Variants in C16orf74 observed in about 807,000 individuals in gnomAD.
C16orf74 encodes calcimembrin.
Under a neutral mutation model 6.5 loss-of-function variants are expected in C16orf74, and 10 were observed. The ratio of observed to expected loss-of-function variants is 1.54; its 90% confidence interval spans 0.95 to 2.61. The LOEUF is 2.61. Among genes scored for constraint, C16orf74 ranks in the 30% most tolerant of loss-of-function variants. The pLI, the probability that C16orf74 is intolerant of heterozygous loss-of-function variation, is 0.00. For synonymous variants in C16orf74, 60 were observed against 42.5 expected (o/e 1.41, Z -1.60); for missense variants, 141 against 105.9 (o/e 1.33, Z -1.45).
chr16:85,748,943 T>TTTA (rs1555589866), intron 1 of C16orf74, among the ~76,000 whole-genome samples: 31 of 144,408 alleles, frequency 2.1e-4, no homozygotes, highest in African/African-American at 7.1e-4. Flanking sequence ...TTTTTTTTTT[T>TTTA]TTTTATTTTA....
At chr16:85,733,907 A>G (rs2054217251) in intron 2 of C16orf74, among the ~76,000 whole-genome samples, 3 of 152,170 alleles carry the variant, frequency 2.0e-5, no homozygotes, top group Admixed American at 1.3e-4. Context: ...GTCAATCAAG[A>G]TGCACCTCCC....
chr16:85,712,256 A>T (rs1598779888), intron 2 of C16orf74, among the ~76,000 whole-genome samples: 1 of 152,138 alleles, frequency 6.6e-6, no homozygotes, highest in Non-Finnish European at 1.5e-5. Context: ...ATCATGATCG[A>T]CCCTGAGCCA....
chr16:85,747,691 A>G (rs1013829707), intron 1 of C16orf74, among the ~76,000 whole-genome samples: 21 of 152,246 alleles, frequency 1.4e-4, no homozygotes, highest in African/African-American at 4.8e-4. Flanking sequence ...TGAGTGACCA[A>G]TGGCCTCAGG....
intron 1 of C16orf74, among the ~76,000 whole-genome samples, chr16:85,744,995 G>C (rs948908537): frequency 6.6e-6 from 1 of 151,474 alleles, no homozygotes; most frequent in Admixed American, 6.6e-5. Context: ...TACAAAATTA[G>C]CCAGGCATTG....
chr16:85,738,617 C>G (rs978444833), intron 1 of C16orf74, among the ~76,000 whole-genome samples: 1 of 151,962 alleles, frequency 6.6e-6, no homozygotes, highest in African/African-American at 2.4e-5. Flanking sequence ...AGGTGTGAGC[C>G]ACCGCGCCGG....
chr16:85,710,294 A>C lies in C16orf74; in HGVS notation c.42T>G (p.Cys14Trp). The C allele has an allele frequency of 1.3e-6, 2 of 1,511,436 alleles. No homozygotes were observed. The highest frequency in any genetic ancestry group is 1.8e-6 in the Non-Finnish European group (2 of 1,140,520). 93.6% of individuals were successfully genotyped at this position (1,511,436 alleles called of 1,614,324 possible). A position where few individuals can be genotyped will look rare whatever the true frequency, so the allele number is the denominator to read the frequency against. The change falls in exon 3 of 4, where the codon TGT (cysteine) becomes TGG (tryptophan). Residue 14 changes from cysteine to tryptophan, a missense_variant. Cys to Trp is a radical substitution (Grantham distance 215, BLOSUM62 -2). Transcript: ENST00000284245. ...CGTGGCTGCTGCTGCTGCTGCTGAC[A>C]CACATTTGAAAGCCTGAGAAGCCAG... ...KMSCLKGFQM[C>W]VSSSSSSHDE... is the part of the protein sequence containing the mutation.
At chr16:85,733,797 G>A (rs1263658290) in intron 2 of C16orf74, among the ~76,000 whole-genome samples, 1 of 152,112 alleles carries the variant, frequency 6.6e-6, no homozygotes, top group Non-Finnish European at 1.5e-5. Flanking sequence ...GAGAGGACGT[G>A]GGCTGTTTGT....
chr16:85,721,752 G>A (rs1046030287), intron 2 of C16orf74, among the ~76,000 whole-genome samples: 2 of 152,204 alleles, frequency 1.3e-5, no homozygotes, highest in African/African-American at 4.8e-5. Context: ...CTCCTGGCAT[G>A]GAGCTGCTGG....
At chr16:85,715,579 C>T (rs901726591) in intron 2 of C16orf74, among the ~76,000 whole-genome samples, 1 of 152,036 alleles carries the variant, frequency 6.6e-6, no homozygotes, top group Non-Finnish European at 1.5e-5. Flanking sequence ...GTGGGCCACA[C>T]AAACTACACA....
intron 1 of C16orf74, among the ~76,000 whole-genome samples, chr16:85,743,028 C>A (rs1264943983): frequency 1.3e-5 from 2 of 152,172 alleles, no homozygotes; most frequent in African/African-American, 2.4e-5. Context: ...CACCAGGGCA[C>A]CCCCACTACG....
chr16:85,746,071 G>A (rs1169315629), intron 1 of C16orf74, among the ~76,000 whole-genome samples: 3 of 152,174 alleles, frequency 2.0e-5, no homozygotes, highest in Non-Finnish European at 2.9e-5. Context: ...CTGGGGCTGG[G>A]TGCGGTGGCT....
chr16:85,729,883 A>G (rs984413038), intron 2 of C16orf74, among the ~76,000 whole-genome samples: 12 of 152,300 alleles, frequency 7.9e-5, no homozygotes, highest in African/African-American at 2.9e-4. Flanking sequence ...GGCCGATTTC[A>G]GAACAATGAG....
chr16:85,710,259 G>A lies in C16orf74; in HGVS notation c.77C>T (p.Pro26Leu), dbSNP rs372383869. 8.3e-5 allele frequency: 126 copies of A among 1,514,330 alleles called. No homozygotes were observed. In the African/African-American group the frequency reaches 1.8e-3, roughly 21 times the overall value. 93.8% of individuals were successfully genotyped at this position (1,514,330 alleles called of 1,614,324 possible). Residue 26 changes from proline (P) to leucine (L), a missense_variant, in exon 3 of 4, where the codon CCC becomes CTC. Coordinates refer to ENST00000284245, the MANE Select transcript of C16orf74 (RefSeq NM_206967.3). ...SSSSSSHDEA[P>L]VLNDKHLDVP... ...GTCCAGGTGCTTGTCGTTCAGGACGGGGGCCTCGTCGTGGCTGCTGCTGCT... is the reference window on the plus strand; with the variant it reads ...GTCCAGGTGCTTGTCGTTCAGGACGAGGGCCTCGTCGTGGCTGCTGCTGCT...
In C16orf74 at chr16:85,707,908, C is replaced by T. The variant is rs2053928843; in HGVS notation, c.*100G>A. The T allele has an allele frequency of 9.7e-7, 1 of 1,025,684 alleles. No homozygotes were observed. The highest frequency in any genetic ancestry group is 1.5e-6 in the Non-Finnish European group (1 of 685,914). 63.5% of individuals were successfully genotyped at this position (1,025,684 alleles called of 1,614,324 possible). A position where few individuals can be genotyped will look rare whatever the true frequency, so the allele number is the denominator to read the frequency against. On this transcript the variant is annotated 3_prime_UTR_variant, in exon 4 of 4. Coordinates refer to ENST00000284245, the MANE Select transcript of C16orf74 (RefSeq NM_206967.3). ...AGGCCCGGGTTCGCTCAGTTCCCAT[C>T]CAGGGTATTCAGCACACCTGCTCCA...
intron 2 of C16orf74, among the ~76,000 whole-genome samples, chr16:85,717,525 T>G (rs1345498395): frequency 6.6e-6 from 1 of 152,038 alleles, no homozygotes; most frequent in Non-Finnish European, 1.5e-5. Flanking sequence ...GTGTGGGGTG[T>G]GGGGCTGCCA....
chr16:85,748,335 C>G (rs1454492022), intron 1 of C16orf74, among the ~76,000 whole-genome samples: 1 of 152,012 alleles, frequency 6.6e-6, no homozygotes, highest in Non-Finnish European at 1.5e-5. Flanking sequence ...TGCAGTGGCT[C>G]ACGCCTGTAA....
chr16:85,730,975 A>G (rs1451871623), intron 2 of C16orf74, among the ~76,000 whole-genome samples: 1 of 152,240 alleles, frequency 6.6e-6, no homozygotes, highest in Non-Finnish European at 1.5e-5. Flanking sequence ...TGAATTAAAT[A>G]AAACATATTA....
chr16:85,717,402 G>A (rs1408705247), intron 2 of C16orf74, among the ~76,000 whole-genome samples: 1 of 152,220 alleles, frequency 6.6e-6, no homozygotes, highest in African/African-American at 2.4e-5. Context: ...TTAACAGCCA[G>A]GGATGGGAAC....
chr16:85,716,483 A>G (rs2054025178), intron 2 of C16orf74, among the ~76,000 whole-genome samples: 1 of 106,816 alleles, frequency 9.4e-6, no homozygotes, highest in African/African-American at 3.7e-5. Flanking sequence ...AGGAGGAGAG[A>G]GGGGACGAAG....
Sources: gnomAD v4.1 joint callset for allele counts (sites outside exome capture counted in the v4.1 genomes callset) on GRCh38, gnomAD v4.1.1 for gene constraint, MANE v1.5 for transcripts, NCBI Gene and HGNC (gene_info 2026-07-23, HGNC 2026-07-21) for gene names.